AGBL4: variants seen among roughly 807,000 people sequenced by gnomAD.
AGBL4 encodes the protein AGBL carboxypeptidase 4, also known as cytosolic carboxypeptidase 6.
Under a neutral mutation model 66.4 loss-of-function variants are expected in AGBL4, and 58 were observed. The observed-to-expected ratio is 0.87, with a 90% CI of 0.71 to 1.09. The LOEUF (loss-of-function observed/expected upper bound fraction) is 1.09. AGBL4 is among the 50% of genes least tolerant of loss of function. The probability of loss-of-function intolerance (pLI) is 0.00; values close to 1 mark genes in which losing one functional copy is unlikely to be tolerated. For synonymous variants in AGBL4, 234 were observed against 222.9 expected (o/e 1.05, Z -0.44); for missense variants, 579 against 631.0 (o/e 0.92, Z 0.88).
chr1:48,915,886 A>T lies in AGBL4; in HGVS notation c.595-48656T>A, dbSNP rs528868645. Among the ~76,000 whole-genome samples, 5 of 152,208 alleles carry T rather than the reference A, an allele frequency of 3.3e-5. No individual in the cohort carries two copies. In the South Asian group the frequency reaches 6.2e-4, roughly 19 times the overall value. On this transcript the variant is annotated intron_variant, in intron 5 of 13. Transcript: ENST00000371839. The stretch of plus-strand genomic sequence containing the variant: ...TACTAAGAAATAAAAGAAATAAAAT[A>T]AAAAAAATTAAATTTTTCTCTCTGA...
intron 1 of AGBL4, among the ~76,000 whole-genome samples, chr1:49,953,562 C>A (rs1449666926): frequency 6.6e-6 from 1 of 151,716 alleles, no homozygotes; most frequent in Non-Finnish European, 1.5e-5. Context: ...AGGTTGAGCA[C>A]GCTTAATCCA....
chr1:49,666,895 G>A (rs549805322), intron 3 of AGBL4, among the ~76,000 whole-genome samples: 43 of 152,216 alleles, frequency 2.8e-4, no homozygotes, highest in African/African-American at 1.0e-3. Context: ...CCTAAATCAA[G>A]AGCCTGTTGG....
At chr1:49,183,705 T>C (rs1646968085) in intron 4 of AGBL4, among the ~76,000 whole-genome samples, 1 of 152,164 alleles carries the variant, frequency 6.6e-6, no homozygotes. Context: ...CCACTTGTGG[T>C]TTTCTGAATC....
At chr1:49,962,189 G>A (rs1415507432) in intron 1 of AGBL4, among the ~76,000 whole-genome samples, 1 of 152,118 alleles carries the variant, frequency 6.6e-6, no homozygotes, top group Non-Finnish European at 1.5e-5. Context: ...TTCCCTAAGA[G>A]GGAATCATGC....
intron 4 of AGBL4, 78 bp downstream of exon 4, chr1:49,245,692 A>G (rs1441810916): frequency 1.0e-6 from 1 of 955,410 alleles, no homozygotes; most frequent in African/African-American, 1.7e-5. Context: ...TTGGGGGTCC[A>G]TTAGTAGGTG....
chr1:49,081,896 C>T (rs886675923), intron 4 of AGBL4, among the ~76,000 whole-genome samples: 2 of 152,088 alleles, frequency 1.3e-5, no homozygotes, highest in Non-Finnish European at 2.9e-5. Flanking sequence ...TGACCTTTTC[C>T]ACGTGTTTGG....
intron 11 of AGBL4, among the ~76,000 whole-genome samples, chr1:48,554,392 G>C (rs901948099): frequency 1.3e-5 from 2 of 152,134 alleles, no homozygotes; most frequent in Admixed American, 6.5e-5. Context: ...AGAGGAATTG[G>C]CTTGCTTCAC....
At chr1:48,584,954 A>C (rs1271730911) in intron 11 of AGBL4, 1 of 152,244 alleles carries the variant, frequency 6.6e-6, no homozygotes, top group African/African-American at 2.4e-5. Context: ...ACCAGAATTT[A>C]TCACATACAT....
chr1:49,246,496 G>A (rs1380653894), intron 3 of AGBL4, among the ~76,000 whole-genome samples: 3 of 151,684 alleles, frequency 2.0e-5, no homozygotes, highest in East Asian at 1.9e-4. Context: ...ACTAGGGGTC[G>A]GGGTACTAGG....
rs966725348 is a variant in AGBL4 at position 49,100,362 on chromosome 1, C to T, written c.378-54562G>A. ...ACACAACATTGGCTGTGTACCTCTC[C>T]GTATATGAAGCAATCCCTGAAGAGG... On this transcript the variant is annotated intron_variant, in intron 4 of 13. Transcript: ENST00000371839. Among the ~76,000 whole-genome samples, 7 of 152,102 alleles carry T rather than the reference C, an allele frequency of 4.6e-5. No individual in the cohort carries two copies. The South Asian group carries it at 8.3e-4, about 18-fold the overall frequency.
At chr1:49,841,899 G>A in intron 2 of AGBL4, 1 of 630,114 alleles carries the variant, frequency 1.6e-6, no homozygotes, top group Non-Finnish European at 2.9e-6. Context: ...TGACCCCTGG[G>A]CTGCCTGTCT....
chr1:49,851,320 T>A, intron 2 of AGBL4, 76 bp downstream of exon 2: 10 of 1,416,092 alleles, frequency 7.1e-6, no homozygotes, highest in Non-Finnish European at 9.3e-6. Context: ...CACTGAATGG[T>A]CACATAAAAT....
chr1:48,894,043 T>G (rs1651265597), intron 5 of AGBL4, among the ~76,000 whole-genome samples: 1 of 152,188 alleles, frequency 6.6e-6, no homozygotes, highest in Non-Finnish European at 1.5e-5. Context: ...TTGGCCAACA[T>G]CAGGAGGCTG....
In AGBL4 at chr1:49,658,449, G is replaced by C. The variant is rs548530729; in HGVS notation, c.282+38864C>G. 1.5e-3 allele frequency among the ~76,000 whole-genome samples: 226 copies of C among 152,298 alleles called. 4 individuals are homozygous for C. The highest frequency in any genetic ancestry group is 5.3e-3 in the African/African-American group (219 of 41,558). ...TTCAACCATTGTGGAATTCAGTGTG[G>C]CGATTCCTCAGGGATCTAGAACTAG... On this transcript the variant is annotated intron_variant, in intron 3 of 13. Transcript: ENST00000371839.
At chr1:49,594,928 T>A (rs1558084928) in intron 3 of AGBL4, among the ~76,000 whole-genome samples, 1 of 152,190 alleles carries the variant, frequency 6.6e-6, no homozygotes, top group South Asian at 2.1e-4. Flanking sequence ...TGGTTCTAGA[T>A]CCTTGAGGAA....
intron 2 of AGBL4, among the ~76,000 whole-genome samples, chr1:49,817,777 G>T (rs1645268198): frequency 6.6e-6 from 1 of 152,158 alleles, no homozygotes; most frequent in Admixed American, 6.5e-5. Flanking sequence ...TGCTGATCCA[G>T]CAAGAAAGAA....
chr1:49,009,038 T>A lies in AGBL4; in HGVS notation c.594+36546A>T, dbSNP rs1450336795. Among the ~76,000 whole-genome samples, 37 of 149,344 alleles carry A rather than the reference T, an allele frequency of 2.5e-4. No individual in the cohort carries two copies. The South Asian group carries it at 7.4e-3, about 30-fold the overall frequency. The stretch of plus-strand genomic sequence containing the variant: ...GAAATAACTAAAATCAGAGCAGAAC[T>A]GAAGGAAATAGAGACACAAAAAACC... On this transcript the variant is annotated intron_variant, in intron 5 of 13. Coordinates refer to ENST00000371839, the MANE Select transcript of AGBL4 (RefSeq NM_032785.4).
At chr1:49,671,766 A>G (rs1400803449) in intron 3 of AGBL4, among the ~76,000 whole-genome samples, 2 of 152,226 alleles carry the variant, frequency 1.3e-5, no homozygotes, top group African/African-American at 4.8e-5. Context: ...GAGAAATGCA[A>G]ATCAAAACCA....
chr1:49,076,302 C>T (rs967714694), intron 4 of AGBL4, among the ~76,000 whole-genome samples: 1 of 152,144 alleles, frequency 6.6e-6, no homozygotes, highest in Admixed American at 6.5e-5. Context: ...TACACATCCT[C>T]CTATATATTT....
Sources: allele counts gnomAD v4.1 joint callset (sites outside exome capture counted in the v4.1 genomes callset), GRCh38; gene constraint gnomAD v4.1.1; transcripts MANE v1.5; gene names NCBI Gene and HGNC (gene_info 2026-07-23, HGNC 2026-07-21).